ABCC4: variants seen among roughly 807,000 people sequenced by gnomAD.
The protein encoded by ABCC4 is ATP-binding cassette sub-family C member 4.
ABCC4 carries 102 observed loss-of-function variants against 168.5 expected under a neutral mutation model. The ratio of observed to expected loss-of-function variants is 0.61; its 90% CI spans 0.52 to 0.71. The LOEUF (loss-of-function observed/expected upper bound fraction) is 0.71, where lower values mean the gene tolerates loss of function less well. Among genes scored for constraint, ABCC4 ranks in the 30% least tolerant of loss-of-function variants. ABCC4 has a pLI of 0.00. For synonymous variants in ABCC4, 617 were observed against 590.7 expected (o/e 1.04, Z -0.65); for missense variants, 1,402 against 1,605.8 (o/e 0.87, Z 2.17).
chr13:95,089,587 C>T (rs1357303007), intron 20 of ABCC4, among the ~76,000 whole-genome samples: 2 of 151,190 alleles, frequency 1.3e-5, no homozygotes, highest in African/African-American at 4.9e-5. Context: ...GGTGAAAAAG[C>T]AAACAACAAC....
intron 20 of ABCC4, among the ~76,000 whole-genome samples, chr13:95,109,531 A>G (rs547747827): frequency 1.3e-5 from 2 of 152,344 alleles, no homozygotes; most frequent in African/African-American, 2.4e-5. Context: ...TGTAGCCACA[A>G]ATCAAAGGCA....
At chr13:95,097,435 G>C (rs1043499980) in intron 20 of ABCC4, among the ~76,000 whole-genome samples, 3 of 150,110 alleles carry the variant, frequency 2.0e-5, no homozygotes, top group Non-Finnish European at 4.5e-5. Flanking sequence ...TGTAAATACA[G>C]AGAGAGAGAG....
chr13:95,076,228 T>C (rs1239022795), intron 21 of ABCC4, among the ~76,000 whole-genome samples: 1 of 152,136 alleles, frequency 6.6e-6, no homozygotes, highest in Non-Finnish European at 1.5e-5. Flanking sequence ...AGCCAAGATG[T>C]CTCTGAATGG....
At chr13:95,107,262 A>C (rs2035040674) in intron 20 of ABCC4, among the ~76,000 whole-genome samples, 1 of 152,188 alleles carries the variant, frequency 6.6e-6, no homozygotes, top group South Asian at 2.1e-4. Flanking sequence ...CTCTCAAAAA[A>C]ACAAAACAAA....
chr13:95,075,673 G>A, intron 21 of ABCC4, 122 bp from the exon 22 acceptor site: 5 of 1,302,684 alleles, frequency 3.8e-6, no homozygotes, highest in Non-Finnish European at 5.2e-6. Context: ...GAGGCTTCAT[G>A]TTTCAAGGAA....
At chr13:95,270,086 G>T (rs906955707) in intron 1 of ABCC4, among the ~76,000 whole-genome samples, 4 of 152,042 alleles carry the variant, frequency 2.6e-5, no homozygotes, top group Non-Finnish European at 4.4e-5. Context: ...GGAGGAAGAC[G>T]ACCAGAAAAT....
At chr13:95,036,435 C>T (rs773631952) in intron 29 of ABCC4, among the ~76,000 whole-genome samples, 4 of 151,686 alleles carry the variant, frequency 2.6e-5, no homozygotes, top group Admixed American at 6.6e-5. Flanking sequence ...TTCCAGATTC[C>T]CTCTCATTGT....
At chr13:95,037,084 C>CCAAAA (rs375534057) in intron 29 of ABCC4, among the ~76,000 whole-genome samples, 1 of 105,898 alleles carries the variant, frequency 9.4e-6, no homozygotes, top group Admixed American at 1.2e-4. Flanking sequence ...ACTCTGTGTC[C>CCAAAA]AAAAAAAAAA....
intron 9 of ABCC4, among the ~76,000 whole-genome samples, chr13:95,190,549 T>A (rs1005057143): frequency 2.0e-5 from 3 of 152,180 alleles, no homozygotes; most frequent in Admixed American, 6.5e-5. Context: ...ATCAGTACTT[T>A]GAATTATCTA....
At position 95,124,555 on chromosome 13, in the gene ABCC4, C is replaced by G. The variant is rs568752551; in HGVS notation, c.2456-8554G>C. 2.0e-4 allele frequency among the ~76,000 whole-genome samples: 17 copies of G among 85,348 alleles called. No homozygotes were observed. The Admixed American group carries it at 2.9e-3, about 15-fold the overall frequency. 56.0% of individuals were successfully genotyped at this position (85,348 alleles called of 152,430 possible). On this transcript the variant is annotated intron_variant, in intron 19 of 30. Transcript: ENST00000645237. Reference sequence around the variant, plus strand: ...CTGGGCAAGGGAGCAAGAAATGCCCCCTTTCTTAAAAAAAAAAAAAAAAAA... The same window carrying G: ...CTGGGCAAGGGAGCAAGAAATGCCCGCTTTCTTAAAAAAAAAAAAAAAAAA...
At chr13:95,108,892 T>C (rs2035103251) in intron 20 of ABCC4, among the ~76,000 whole-genome samples, 2 of 152,090 alleles carry the variant, frequency 1.3e-5, no homozygotes, top group South Asian at 4.1e-4. Context: ...CCTGCCCCCA[T>C]ATCTTCTTTG....
At chr13:95,126,820 T>C (rs1177279003) in intron 19 of ABCC4, among the ~76,000 whole-genome samples, 2 of 146,356 alleles carry the variant, frequency 1.4e-5, no homozygotes, top group African/African-American at 2.5e-5. Flanking sequence ...GTACACCATA[T>C]ATATTTATAT....
At chr13:95,073,112 A>G (rs2033788125) in intron 24 of ABCC4, 92 bp downstream of exon 24, 2 of 988,234 alleles carry the variant, frequency 2.0e-6, no homozygotes, top group East Asian at 2.6e-5. Flanking sequence ...AGATGTAAAA[A>G]TAACAGTTTT....
At chr13:95,241,366 G>GAAAA (rs3047272) in intron 3 of ABCC4, among the ~76,000 whole-genome samples, 5 of 145,332 alleles carry the variant, frequency 3.4e-5, no homozygotes, top group Non-Finnish European at 4.5e-5. Flanking sequence ...TCCATCTCAG[G>GAAAA]AAAAAAAAAA....
intron 20 of ABCC4, among the ~76,000 whole-genome samples, chr13:95,103,023 T>C (rs1228147337): frequency 6.6e-6 from 1 of 151,028 alleles, no homozygotes; most frequent in African/African-American, 2.4e-5. Context: ...TCCCAGCACT[T>C]TGGGAGGCTG....
chr13:95,262,312 T>C (rs11843001), intron 1 of ABCC4, among the ~76,000 whole-genome samples: 14,509 of 152,178 alleles, frequency 0.095, 1,498 homozygotes, highest in African/African-American at 0.25. Flanking sequence ...GATACAAATA[T>C]GGAAAGAGGG....
intron 20 of ABCC4, among the ~76,000 whole-genome samples, chr13:95,086,519 C>T (rs903360331): frequency 2.0e-5 from 3 of 152,150 alleles, no homozygotes; most frequent in Admixed American, 2.0e-4. Flanking sequence ...ATTCTTTTAA[C>T]AAGCATAATT....
intron 1 of ABCC4, among the ~76,000 whole-genome samples, chr13:95,290,109 T>TAAATAGAC (rs2041356425): frequency 6.8e-6 from 1 of 146,884 alleles, no homozygotes; most frequent in South Asian, 2.2e-4. Context: ...AAAAAATAGA[T>TAAATAGAC]AGATAGATAG....
intron 20 of ABCC4, among the ~76,000 whole-genome samples, chr13:95,106,282 T>C (rs2035001052): frequency 6.6e-6 from 1 of 151,988 alleles, no homozygotes; most frequent in South Asian, 2.1e-4. Flanking sequence ...GCTACTTTAA[T>C]TGGAAGATTA....
Sources: allele counts gnomAD v4.1 joint callset (sites outside exome capture counted in the v4.1 genomes callset), GRCh38; gene constraint gnomAD v4.1.1; transcripts MANE v1.5; gene names NCBI Gene and HGNC (gene_info 2026-07-23, HGNC 2026-07-21).